The following LHFPL3 variants were observed in gnomAD, a reference collection of about 807,000 sequenced individuals.
LHFPL3 encodes LHFPL tetraspan subfamily member 3 protein.
Under a neutral mutation model 19.3 loss-of-function variants are expected in LHFPL3, and 5 were observed. That is an observed-to-expected ratio of 0.26 (90% confidence interval 0.14 to 0.54). The LOEUF is 0.54. Ranked by LOEUF, LHFPL3 falls within the 20% of genes least tolerant of loss-of-function variation. The pLI, the probability that LHFPL3 is intolerant of heterozygous loss-of-function variation, is 0.94. For synonymous variants in LHFPL3, 133 were observed against 126.2 expected, an observed-to-expected ratio of 1.05 and a Z score of -0.36; for missense variants, 249 against 307.4, an observed-to-expected ratio of 0.81 and a Z score of 1.42.
intron 1 of LHFPL3, among the ~76,000 whole-genome samples, chr7:104,595,310 G>T (rs1264581939): frequency 6.6e-6 from 1 of 152,202 alleles, no homozygotes; most frequent in Non-Finnish European, 1.5e-5. Context: ...TCAGCTATAG[G>T]TCTGTTGGAG....
intron 1 of LHFPL3, among the ~76,000 whole-genome samples, chr7:104,622,201 G>A (rs1308349429): frequency 6.6e-6 from 1 of 151,996 alleles, no homozygotes; most frequent in Non-Finnish European, 1.5e-5. Context: ...TCCCAGGCTT[G>A]GGCTCAGCCA....
chr7:104,407,044 C>A (rs892436528), intron 1 of LHFPL3, among the ~76,000 whole-genome samples: 10 of 152,190 alleles, frequency 6.6e-5, no homozygotes, highest in African/African-American at 2.4e-4. Context: ...CACAGTGGCT[C>A]TGTTGTACAA....
At chr7:104,470,795 G>A (rs996713598) in intron 1 of LHFPL3, among the ~76,000 whole-genome samples, 40 of 152,170 alleles carry the variant, frequency 2.6e-4, no homozygotes, top group African/African-American at 9.4e-4. Flanking sequence ...TTGCCTTGAT[G>A]CTTTCTCTTC....
At chr7:104,883,615 T>G (rs1792093990) in intron 2 of LHFPL3, among the ~76,000 whole-genome samples, 1 of 152,108 alleles carries the variant, frequency 6.6e-6, no homozygotes. Flanking sequence ...TACAAGGCAG[T>G]GGCTTGTAAT....
intron 1 of LHFPL3, among the ~76,000 whole-genome samples, chr7:104,548,151 T>C (rs910445456): frequency 6.6e-6 from 1 of 152,170 alleles, no homozygotes; most frequent in Non-Finnish European, 1.5e-5. Context: ...AAGCAAAATG[T>C]CTGAAACCAA....
chr7:104,550,241 A>T (rs1334894474), intron 1 of LHFPL3, among the ~76,000 whole-genome samples: 2 of 152,096 alleles, frequency 1.3e-5, no homozygotes, highest in African/African-American at 4.8e-5. Flanking sequence ...ATCTCATCCA[A>T]AAAACACCAT....
At chr7:104,757,379 CT>C (rs903913869) in intron 2 of LHFPL3, among the ~76,000 whole-genome samples, 38 of 152,082 alleles carry the variant, frequency 2.5e-4, no homozygotes, top group African/African-American at 8.9e-4. Context: ...AACTAAAGAA[CT>C]TTTGCACAGC....
At chr7:104,456,797 G>C (rs1042776101) in intron 1 of LHFPL3, among the ~76,000 whole-genome samples, 1 of 152,174 alleles carries the variant, frequency 6.6e-6, no homozygotes, top group African/African-American at 2.4e-5. Context: ...ACTAATGGGT[G>C]GGGAGCATCT....
chr7:104,857,734 T>A (rs940995811), intron 2 of LHFPL3, among the ~76,000 whole-genome samples: 2 of 152,236 alleles, frequency 1.3e-5, no homozygotes, highest in Non-Finnish European at 2.9e-5. Flanking sequence ...ATTGTAATTT[T>A]TAACATGTTT....
chr7:104,406,535 G>A (rs992478081), intron 1 of LHFPL3, among the ~76,000 whole-genome samples: 7 of 152,198 alleles, frequency 4.6e-5, no homozygotes, highest in Non-Finnish European at 1.0e-4. Flanking sequence ...AATTAAAAGA[G>A]GATGATTAAC....
At chr7:104,482,617 TA>T (rs1793158642) in intron 1 of LHFPL3, among the ~76,000 whole-genome samples, 1 of 152,252 alleles carries the variant, frequency 6.6e-6, no homozygotes, top group African/African-American at 2.4e-5. Flanking sequence ...CAAATGGAAC[TA>T]AAAGAAGATA....
intron 1 of LHFPL3, among the ~76,000 whole-genome samples, chr7:104,503,051 G>A (rs576089300): frequency 6.6e-6 from 1 of 151,982 alleles, no homozygotes; most frequent in South Asian, 2.1e-4. Context: ...TATTAAAAAT[G>A]TAACAACATA....
chr7:104,686,195 C>T (rs2116111783), intron 1 of LHFPL3, among the ~76,000 whole-genome samples: 1 of 152,208 alleles, frequency 6.6e-6, no homozygotes, highest in Middle Eastern at 3.4e-3. Flanking sequence ...ATTATAAAAC[C>T]CTCAAAGTAC....
intron 1 of LHFPL3, among the ~76,000 whole-genome samples, chr7:104,437,568 A>G (rs751961421): frequency 2.6e-5 from 4 of 152,124 alleles, no homozygotes; most frequent in Non-Finnish European, 4.4e-5. Flanking sequence ...GTTATTGACA[A>G]TTTCTGTCTG....
At chr7:104,847,737 C>T (rs1791338257) in intron 2 of LHFPL3, among the ~76,000 whole-genome samples, 1 of 152,244 alleles carries the variant, frequency 6.6e-6, no homozygotes, top group African/African-American at 2.4e-5. Flanking sequence ...GTATCGAACT[C>T]CTGACCTCAA....
chr7:104,623,617 GTGAGACTCTGTCTCAAAAAACAAACAAAT>G (rs1467155820), intron 1 of LHFPL3, among the ~76,000 whole-genome samples: 1 of 115,336 alleles, frequency 8.7e-6, no homozygotes, highest in Non-Finnish European at 2.0e-5. Context: ...GCAACAGAGT[GTGAGACTCTGTCTCAAAAAACAAACAAAT>G]TGTAGATTCC....
intron 1 of LHFPL3, among the ~76,000 whole-genome samples, chr7:104,499,346 T>A (rs1046541781): frequency 6.6e-6 from 1 of 152,234 alleles, no homozygotes; most frequent in Non-Finnish European, 1.5e-5. Flanking sequence ...GTCAATGTGC[T>A]CTGAACATAA....
chr7:104,669,115 T>C, intron 1 of LHFPL3: 2 of 1,612,814 alleles, frequency 1.2e-6, no homozygotes, highest in Non-Finnish European at 1.7e-6. Context: ...AGATTGCCAC[T>C]CTCCAACTTC....
In LHFPL3 at chr7:104,337,515, A is replaced by G. The variant is rs958131349; in HGVS notation, c.445+8291A>G. ...ATAGACTCTAAAATTAAGCTATTTAAAGGGAGAGATACTAGATGTATGGCA... is the reference window on the plus strand; with the variant it reads ...ATAGACTCTAAAATTAAGCTATTTAGAGGGAGAGATACTAGATGTATGGCA... On this transcript the variant is annotated intron_variant, in intron 1 of 2. Transcript: ENST00000424859. Among the ~76,000 whole-genome samples, 4 of 152,148 alleles carry G rather than the reference A, an allele frequency of 2.6e-5. 1 individual carries two copies. In the South Asian group the frequency reaches 8.3e-4, roughly 32 times the overall value.
Sources: gnomAD v4.1 joint callset for allele counts (sites outside exome capture counted in the v4.1 genomes callset) on GRCh38, gnomAD v4.1.1 for gene constraint, MANE v1.5 for transcripts, NCBI Gene and HGNC (gene_info 2026-07-23, HGNC 2026-07-21) for gene names.